The following NDRG1 variants were observed in gnomAD, a reference collection of about 807,000 sequenced individuals.
NDRG1 encodes the protein protein NDRG1.
A neutral mutation model predicts 56.9 loss-of-function variants in NDRG1; 32 were observed. The ratio of observed to expected loss-of-function variants is 0.56; its 90% CI spans 0.42 to 0.76. The LOEUF (loss-of-function observed/expected upper bound fraction) is 0.76. NDRG1 is among the 30% of genes least tolerant of loss of function. NDRG1 has a pLI of 0.00. For synonymous variants in NDRG1, 211 were observed against 204.1 expected, an observed-to-expected ratio of 1.03 and a Z score of -0.29; for missense variants, 507 against 545.7, an observed-to-expected ratio of 0.93 and a Z score of 0.71.
intron 1 of NDRG1, among the ~76,000 whole-genome samples, chr8:133,293,283 G>A (rs890325006): frequency 2.0e-5 from 3 of 152,218 alleles, no homozygotes; most frequent in African/African-American, 7.2e-5. Context: ...TGGACACGCG[G>A]TACTTCCATC....
intron 10 of NDRG1, among the ~76,000 whole-genome samples, chr8:133,250,235 C>A (rs1462182973): frequency 2.6e-5 from 4 of 152,170 alleles, no homozygotes; most frequent in Non-Finnish European, 4.4e-5. Flanking sequence ...TTGTTCAGAT[C>A]CCTGCAAGGC....
rs1855197068 is a variant in NDRG1, at chr8:133,238,670, C to G, written c.*208G>C. The G allele has an allele frequency of 1.6e-6, 1 of 625,330 alleles. No individual in the cohort carries two copies. Among genetic ancestry groups the G allele is most frequent in the Admixed American group, 3.0e-5 (1 of 33,144 alleles). 38.7% of individuals were successfully genotyped at this position (625,330 alleles called of 1,614,324 possible). On this transcript the variant is annotated 3_prime_UTR_variant, in exon 16 of 16. Coordinates refer to ENST00000323851, the MANE Select transcript of NDRG1 (RefSeq NM_006096.4). Reference sequence around the variant, plus strand: ...GGATGCGATGCGGAGATGCTTGCTTCCTTCCTTTGGTCCACCGCCACCCCG... The same window carrying G: ...GGATGCGATGCGGAGATGCTTGCTTGCTTCCTTTGGTCCACCGCCACCCCG...
intron 3 of NDRG1, among the ~76,000 whole-genome samples, chr8:133,268,888 C>CA (rs1491342694): frequency 4.7e-5 from 7 of 150,154 alleles, no homozygotes; most frequent in Admixed American, 1.3e-4. Flanking sequence ...CACACACACA[C>CA]AACAAACACA....
intron 3 of NDRG1, among the ~76,000 whole-genome samples, chr8:133,265,631 CCCTGCA>C (rs1271602563): frequency 1.3e-5 from 2 of 152,264 alleles, no homozygotes; most frequent in Admixed American, 1.3e-4. Context: ...TCCCAGTCAT[CCCTGCA>C]CCTCTCCGCA....
At chr8:133,263,783 G>GT (rs1361413858) in intron 4 of NDRG1, among the ~76,000 whole-genome samples, 1 of 152,080 alleles carries the variant, frequency 6.6e-6, no homozygotes, top group Non-Finnish European at 1.5e-5. Flanking sequence ...AGGCGTGGTG[G>GT]TGGGTGCCCG....
chr8:133,267,350 CTGTACAGG>C (rs1182399094), intron 3 of NDRG1, among the ~76,000 whole-genome samples: 2 of 152,184 alleles, frequency 1.3e-5, no homozygotes, highest in African/African-American at 4.8e-5. Flanking sequence ...TAAAGAGGCA[CTGTACAGG>C]GCCAGGCCCA....
In NDRG1 at chr8:133,250,478, G is replaced by T. The variant is rs143549909; in HGVS notation, c.660C>A (p.Asn220Lys). ...TYRQHIVNDMNPGNLHLFINA... is the reference protein window; with the variant it reads ...TYRQHIVNDMKPGNLHLFINA... Reference sequence around the variant, plus strand: ...TGATGAACAGGTGCAGGTTGCCGGGGTTCATGTCATTCACAATGTGCTGGC... The same window carrying T: ...TGATGAACAGGTGCAGGTTGCCGGGTTTCATGTCATTCACAATGTGCTGGC... Residue 220 changes from asparagine to lysine, a missense_variant, in exon 10 of 16, where the codon AAC becomes AAA. By Grantham distance (94) the Asn-to-Lys change is moderately conservative (BLOSUM62 0). Coordinates refer to ENST00000323851, the MANE Select transcript of NDRG1 (RefSeq NM_006096.4). 1.0e-4 allele frequency: 162 copies of T among 1,614,070 alleles called. 1 individual carries two copies. In the Middle Eastern group the frequency reaches 1.8e-3, roughly 18 times the overall value.
intron 1 of NDRG1, among the ~76,000 whole-genome samples, chr8:133,287,185 T>A (rs1323027301): frequency 6.6e-6 from 1 of 152,158 alleles, no homozygotes; most frequent in Admixed American, 6.5e-5. Context: ...AAAATAAAAA[T>A]TTTAAAATTT....
intron 14 of NDRG1, among the ~76,000 whole-genome samples, chr8:133,243,331 C>G (rs2929979): frequency 0.86 from 131,316 of 152,220 alleles, 56,825 homozygotes; most frequent in Middle Eastern, 0.94. Context: ...CAAGAATACA[C>G]GCTTGGGAAT....
At chr8:133,294,677 G>GGC (rs1858640030) in intron 1 of NDRG1, among the ~76,000 whole-genome samples, 1 of 152,022 alleles carries the variant, frequency 6.6e-6, no homozygotes, top group African/African-American at 2.4e-5. Flanking sequence ...GTCATGGGGG[G>GGC]GGGGCAGCCC....
intron 3 of NDRG1, chr8:133,265,109 AC>A: frequency 4.1e-6 from 1 of 244,216 alleles, no homozygotes; most frequent in South Asian, 5.6e-5. Flanking sequence ...TCCTTCAGGA[AC>A]CCACCCAACC....
At chr8:133,282,851 A>G (rs367823556) in intron 2 of NDRG1, among the ~76,000 whole-genome samples, 5 of 152,316 alleles carry the variant, frequency 3.3e-5, no homozygotes, top group East Asian at 1.9e-4. Flanking sequence ...GTGTGGAATG[A>G]TAAGCAAGCA....
chr8:133,258,250 TG>T, intron 7 of NDRG1, 115 bp downstream of exon 7: 1 of 1,029,652 alleles, frequency 9.7e-7, no homozygotes, highest in Non-Finnish European at 1.5e-6. Context: ...CACACAACTG[TG>T]GAGAATACGG....
In NDRG1 at chr8:133,237,610, G is replaced by A. The variant is rs1453161231; in HGVS notation, c.*1268C>T. ...AGGTTAGGGAGCAGGAAAAGAGGAAGCAGGAGAGGGAAGGAAAGTCCCATG... is the reference window on the plus strand; with the variant it reads ...AGGTTAGGGAGCAGGAAAAGAGGAAACAGGAGAGGGAAGGAAAGTCCCATG... On this transcript the variant is annotated 3_prime_UTR_variant, in exon 16 of 16. Coordinates refer to ENST00000323851, the MANE Select transcript of NDRG1 (RefSeq NM_006096.4). 1 of 233,244 alleles carries A rather than the reference G, an allele frequency of 4.3e-6. No individual in the cohort carries two copies. 14.4% of individuals were successfully genotyped at this position (233,244 alleles called of 1,614,324 possible). A position where few individuals can be genotyped will look rare whatever the true frequency, so the allele number is the denominator to read the frequency against.
chr8:133,255,212 C>G (rs568935614), intron 8 of NDRG1: 1 of 450,182 alleles, frequency 2.2e-6, no homozygotes, highest in Admixed American at 2.4e-5. Flanking sequence ...ACCTAAGGGT[C>G]TTTGGCTGGC....
At chr8:133,293,937 C>T (rs1266555598) in intron 1 of NDRG1, among the ~76,000 whole-genome samples, 3 of 152,170 alleles carry the variant, frequency 2.0e-5, no homozygotes, top group Non-Finnish European at 4.4e-5. Context: ...ACAAAGGGTC[C>T]CAGACTCTGC....
chr8:133,276,044 G>A (rs1289976085), intron 3 of NDRG1, among the ~76,000 whole-genome samples: 1 of 152,212 alleles, frequency 6.6e-6, no homozygotes, highest in Non-Finnish European at 1.5e-5. Context: ...GGCACAATAG[G>A]GAAAATGCTC....
At chr8:133,250,602 T>C (rs1855963524) in intron 9 of NDRG1, 59 bp from the exon 10 acceptor site, 4 of 1,341,208 alleles carry the variant, frequency 3.0e-6, no homozygotes, top group Non-Finnish European at 4.3e-6. Flanking sequence ...AGCTGGTCAC[T>C]ACTCTCTCCA....
At chr8:133,244,824 G>A (rs1304074046) in intron 13 of NDRG1, among the ~76,000 whole-genome samples, 1 of 152,214 alleles carries the variant, frequency 6.6e-6, no homozygotes, top group East Asian at 1.9e-4. Context: ...AAAGGAAGTG[G>A]TTGAATTTGG....
Sources: gnomAD v4.1 joint callset for allele counts (sites outside exome capture counted in the v4.1 genomes callset) on GRCh38, gnomAD v4.1.1 for gene constraint, MANE v1.5 for transcripts, NCBI Gene and HGNC (gene_info 2026-07-23, HGNC 2026-07-21) for gene names.